Variants in PCDHGB5 observed in about 807,000 individuals in gnomAD.
PCDHGB5 encodes the protein protocadherin gamma subfamily B, 5.
In PCDHGB5, 48 loss-of-function variants were observed where a neutral mutation model predicts 62.9. That is an observed-to-expected ratio of 0.76 (90% CI 0.61 to 0.97). PCDHGB5 has a LOEUF of 0.97. PCDHGB5 is among the 50% of genes least tolerant of loss of function. The pLI, the probability that PCDHGB5 is intolerant of heterozygous loss-of-function variation, is 0.00. For missense variants in PCDHGB5, 1,118 were observed against 1,198.6 expected (o/e 0.93, Z 0.99); for synonymous variants, 474 against 511.2 (o/e 0.93, Z 0.98).
chr5:141,412,827 A>G (rs977931124), intron 1 of PCDHGB5, among the ~76,000 whole-genome samples: 2 of 152,236 alleles, frequency 1.3e-5, no homozygotes, highest in Non-Finnish European at 2.9e-5. Context: ...ATAGTAAATT[A>G]TTTAAAGATA....
chr5:141,509,691 AC>A (rs1471858383), intron 3 of PCDHGB5, among the ~76,000 whole-genome samples: 5 of 152,064 alleles, frequency 3.3e-5, no homozygotes, highest in African/African-American at 1.2e-4. Flanking sequence ...GTACAGTGGG[AC>A]GTTGGACTGG....
intron 2 of PCDHGB5, among the ~76,000 whole-genome samples, chr5:141,498,747 C>T (rs1363145286): frequency 6.6e-6 from 1 of 152,106 alleles, no homozygotes; most frequent in Non-Finnish European, 1.5e-5. Context: ...GCCTGGCCAA[C>T]ATGATGAAAC....
chr5:141,511,412 C>A lies in PCDHGB5; in HGVS notation c.*239C>A. 1.1e-6 allele frequency: 1 copy of A among 892,000 alleles called. No homozygotes were observed. Among genetic ancestry groups the A allele is most frequent in the Non-Finnish European group, 1.6e-6 (1 of 609,476 alleles). The allele number at this position is 892,000 out of a possible 1,614,324, so 55.3% of individuals were successfully genotyped here. On this transcript the variant is annotated 3_prime_UTR_variant, in exon 4 of 4. Coordinates refer to ENST00000617380, the MANE Select transcript of PCDHGB5 (RefSeq NM_018925.3). ...AACCCCCATCCAATCAACTGCTGTA[C>A]CCATGGGGGTAGTGGGGTTACTGTA...
Position 141,485,538 on chromosome 5 carries a change from A to T in PCDHGB5, c.2398-9269A>T. ...TTGGAAATGTACCGAGCAGAGGTAG[A>T]GATCGTAGATGTGAATGATCACGCC... On this transcript the variant is annotated intron_variant, in intron 1 of 3. Transcript: ENST00000617380. The surrounding 1 kb of genome is among the most constrained non-coding windows in gnomAD (Gnocchi z 5.7). The T allele has an allele frequency of 6.2e-7, 1 of 1,614,162 alleles. No individual in the cohort carries two copies. Among genetic ancestry groups the T allele is most frequent in the Admixed American group, 1.7e-5 (1 of 60,012 alleles).
intron 1 of PCDHGB5, among the ~76,000 whole-genome samples, chr5:141,425,555 A>T (rs1282440598): frequency 6.6e-6 from 1 of 152,270 alleles, no homozygotes; most frequent in African/African-American, 2.4e-5. Flanking sequence ...AACCTCTTTT[A>T]TAAGTGATAA....
In PCDHGB5 at chr5:141,432,011, TACA is replaced by T. The variant is rs1296391274; in HGVS notation, c.2397+31491_2397+31493del. 2 of 1,614,202 alleles carry T rather than the reference TACA, an allele frequency of 1.2e-6. No homozygotes were observed. Among genetic ancestry groups the T allele is most frequent in the South Asian group, 2.2e-5 (2 of 91,084 alleles). On this transcript the variant is annotated intron_variant, in intron 1 of 3. Transcript: ENST00000617380. This position sits in a 1 kb window ranked among gnomAD's most constrained non-coding sequence, Gnocchi z 6.0. The stretch of plus-strand genomic sequence containing the variant: ...CTTGGATAGGGAACAGGTTCCTAGC[TACA>T]ACATCACAGTGACCGCCACTGACCG...
At position 141,404,694 on chromosome 5, in the gene PCDHGB5, C is replaced by G. The variant is rs749803871; in HGVS notation, c.2397+4170C>G. 3.1e-6 allele frequency: 5 copies of G among 1,613,998 alleles called. No individual in the cohort carries two copies. In the Admixed American group the frequency reaches 5.0e-5, roughly 16 times the overall value. On this transcript the variant is annotated intron_variant, in intron 1 of 3. Coordinates refer to ENST00000617380, the MANE Select transcript of PCDHGB5 (RefSeq NM_018925.3). ...ACTGGTGTGGAGCTGGCACCCCGCT[C>G]TGCAGAGCCTGGCTACCTGGTGACC...
intron 1 of PCDHGB5, among the ~76,000 whole-genome samples, chr5:141,466,449 T>C (rs2154569205): frequency 6.6e-6 from 1 of 152,358 alleles, no homozygotes; most frequent in Admixed American, 6.5e-5. Flanking sequence ...ATGTCTATGG[T>C]GTTGGCTATT....
In PCDHGB5 at chr5:141,486,872, C is replaced by T. The variant is rs1320632059; in HGVS notation, c.2398-7935C>T. On this transcript the variant is annotated intron_variant, in intron 1 of 3. Transcript: ENST00000617380. The surrounding 1 kb of genome is among the most constrained non-coding windows in gnomAD (Gnocchi z 5.0). ...CAATGACAATGCTCCAGCTGTGCTC[C>T]GTCCTCGGGCCCGGCCTGGTTCCTT... The T allele has an allele frequency of 3.7e-6, 6 of 1,614,232 alleles. No individual in the cohort carries two copies. Among genetic ancestry groups the T allele is most frequent in the African/African-American group, 1.3e-5 (1 of 75,070 alleles).
At chr5:141,413,702 T>G (rs1448671585) in intron 1 of PCDHGB5, 4 of 1,613,606 alleles carry the variant, frequency 2.5e-6, no homozygotes, top group Non-Finnish European at 3.4e-6. Flanking sequence ...AGCTATCAGC[T>G]CAGCCCCAAT....
intron 1 of PCDHGB5, chr5:141,419,158 C>G (rs757849297): frequency 6.2e-7 from 1 of 1,613,950 alleles, no homozygotes; most frequent in South Asian, 1.1e-5. Context: ...CTCCGTTATC[C>G]TCCAGCAAAA....
chr5:141,410,847 G>GTTT (rs773839667), intron 1 of PCDHGB5: 4 of 158,330 alleles, frequency 2.5e-5, no homozygotes, highest in South Asian at 1.1e-4. Context: ...TTTTGTCTTT[G>GTTT]TCTTTTTTTT....
At chr5:141,421,513 C>T (rs368199651) in intron 1 of PCDHGB5, 14 of 1,613,960 alleles carry the variant, frequency 8.7e-6, no homozygotes, top group Non-Finnish European at 1.1e-5. Context: ...CCGGGAGGAG[C>T]TCTGTGAGAC....
chr5:141,489,151 A>G lies in PCDHGB5; in HGVS notation c.2398-5656A>G. On this transcript the variant is annotated intron_variant, in intron 1 of 3. Transcript: ENST00000617380. This position sits in a 1 kb window ranked among gnomAD's most constrained non-coding sequence, Gnocchi z 4.5. ...TTTTTAAGAGGCTGGAAGGAGACAT[A>G]AGAGACTTCAGCTGCTGCATTCCAA... is the stretch of plus-strand genomic sequence containing the variant. The G allele has an allele frequency of 4.3e-6, 4 of 932,968 alleles. No individual in the cohort carries two copies. Among genetic ancestry groups the G allele is most frequent in the Non-Finnish European group, 6.4e-6 (4 of 622,052 alleles). 57.8% of individuals were successfully genotyped at this position (932,968 alleles called of 1,614,324 possible).
In PCDHGB5 at chr5:141,465,057, A is replaced by T. The variant is rs1253395484; in HGVS notation, c.2398-29750A>T. 3.3e-5 allele frequency among the ~76,000 whole-genome samples: 5 copies of T among 151,646 alleles called. No homozygotes were observed. The East Asian group carries it at 9.6e-4, about 29-fold the overall frequency. ...ACAAATGACCCTATATATTTTTTTG[A>T]ATTGTCTGTTCATGTCTTATTTTCA... On this transcript the variant is annotated intron_variant, in intron 1 of 3. Coordinates refer to ENST00000617380, the MANE Select transcript of PCDHGB5 (RefSeq NM_018925.3).
In PCDHGB5 at chr5:141,476,208, C is replaced by A. The variant is rs1266601125; in HGVS notation, c.2398-18599C>A. 1.2e-6 allele frequency: 2 copies of A among 1,613,912 alleles called. No homozygotes were observed. Among genetic ancestry groups the A allele is most frequent in the East Asian group, 4.5e-5 (2 of 44,826 alleles). On this transcript the variant is annotated intron_variant, in intron 1 of 3. Coordinates refer to ENST00000617380, the MANE Select transcript of PCDHGB5 (RefSeq NM_018925.3). The surrounding 1 kb of genome is among the most constrained non-coding windows in gnomAD (Gnocchi z 7.6). ...CTTGGTGCCTTGAACAAGGCTTCCA[C>A]GGTCATTCACTATGAGATCCCGGAG...
At position 141,400,017 on chromosome 5, in the gene PCDHGB5, C is replaced by T; in HGVS notation, c.1890C>T (p.Asp630=). The change falls in exon 1 of 4, where the codon GAC becomes GAT. Residue 630 remains aspartate, a synonymous_variant. Transcript: ENST00000617380. ...GEVRTARALG[D]RDAARQRLLV... The stretch of plus-strand genomic sequence containing the variant: ...TGCGCACAGCGCGTGCCTTGGGCGA[C>T]AGGGACGCGGCCCGCCAGCGCCTGC... 1 of 1,612,778 alleles carries T rather than the reference C, an allele frequency of 6.2e-7. No individual in the cohort carries two copies.
In PCDHGB5 at chr5:141,490,376, C is replaced by T. The variant is rs761956816; in HGVS notation, c.2398-4431C>T. 2 of 1,614,184 alleles carry T rather than the reference C, an allele frequency of 1.2e-6. No individual in the cohort carries two copies. The highest frequency in any genetic ancestry group is 1.7e-6 in the Non-Finnish European group (2 of 1,180,036). ...TTGTTTAATGTGCGAGACCGGGACT[C>T]AGGTAGAAATGGTGAAGTGAGCCTT... is the stretch of plus-strand genomic sequence containing the variant. On this transcript the variant is annotated intron_variant, in intron 1 of 3. Transcript: ENST00000617380. The surrounding 1 kb of genome is among the most constrained non-coding windows in gnomAD (Gnocchi z 5.4).
chr5:141,485,106 TGGCTGTTTGGGGCGGGTC>T lies in PCDHGB5; in HGVS notation c.2398-9696_2398-9679del. 1 of 1,206,448 alleles carries T rather than the reference TGGCTGTTTGGGGCGGGTC, an allele frequency of 8.3e-7. No homozygotes were observed. The highest frequency in any genetic ancestry group is 1.2e-6 in the Non-Finnish European group (1 of 828,284). 74.7% of individuals were successfully genotyped at this position (1,206,448 alleles called of 1,614,324 possible). Reference sequence around the variant, plus strand: ...GGGAGATAGGTGTCTCCAGCTGCTGTGGCTGTTTGGGGCGGGTCGGCTTCATCCGCGTCTCAGGAGCAA... The same window carrying T: ...GGGAGATAGGTGTCTCCAGCTGCTGTGGCTTCATCCGCGTCTCAGGAGCAA... On this transcript the variant is annotated intron_variant, in intron 1 of 3. Coordinates refer to ENST00000617380, the MANE Select transcript of PCDHGB5 (RefSeq NM_018925.3). This position sits in a 1 kb window ranked among gnomAD's most constrained non-coding sequence, Gnocchi z 5.7.
Sources: allele counts gnomAD v4.1 joint callset (sites outside exome capture counted in the v4.1 genomes callset), GRCh38; gene constraint gnomAD v4.1.1; non-coding constraint Gnocchi (gnomAD v3.1); transcripts MANE v1.5; gene names NCBI Gene and HGNC (gene_info 2026-07-23, HGNC 2026-07-21).